ZBTB20: variants seen among roughly 807,000 people sequenced by gnomAD.
The protein encoded by ZBTB20 is zinc finger and BTB domain-containing protein 20.
ZBTB20 carries 9 observed loss-of-function variants against 56.9 expected under a neutral mutation model. The ratio of observed to expected loss-of-function variants is 0.16; its 90% CI spans 0.10 to 0.28. ZBTB20 has a LOEUF of 0.28. Ranked by LOEUF, ZBTB20 falls within the 10% of genes least tolerant of loss-of-function variation. The pLI, the probability that ZBTB20 is intolerant of heterozygous loss-of-function variation, is 1.00. For synonymous variants in ZBTB20, 417 were observed against 420.7 expected, an observed-to-expected ratio of 0.99 and a Z score of 0.11; for missense variants, 655 against 1,003.0, an observed-to-expected ratio of 0.65 and a Z score of 4.69.
At position 114,832,234 on chromosome 3, in the gene ZBTB20, A is replaced by C. The variant is rs534477085; in HGVS notation, c.-416-31060T>G. Among the ~76,000 whole-genome samples the C allele has an allele frequency of 1.2e-4, 19 of 152,184 alleles. No homozygotes were observed. The South Asian group carries it at 3.3e-3, about 27-fold the overall frequency. ...GAATTTCAGTGCAGCTCTTTGGATA[A>C]ACTCAAATTCAGGTTTGGATGGAAT... On this transcript the variant is annotated intron_variant, in intron 4 of 11. Transcript: ENST00000675478.
At chr3:114,454,178 GAGA>G (rs2091844901) in intron 7 of ZBTB20, among the ~76,000 whole-genome samples, 14 of 38,076 alleles carry the variant, frequency 3.7e-4, no homozygotes, top group Admixed American at 2.3e-3. Context: ...AGAGAAGGGA[GAGA>G]GAGAGAGAGA....
At chr3:114,670,349 G>A (rs80048410) in intron 6 of ZBTB20, among the ~76,000 whole-genome samples, 1 of 152,132 alleles carries the variant, frequency 6.6e-6, no homozygotes, top group Non-Finnish European at 1.5e-5. Flanking sequence ...GGAAATAAGA[G>A]GTGGAATAAC....
intron 5 of ZBTB20, among the ~76,000 whole-genome samples, chr3:114,702,266 T>G (rs2063439957): frequency 1.3e-5 from 2 of 152,164 alleles, no homozygotes; most frequent in African/African-American, 4.8e-5. Context: ...GAGGATTGAT[T>G]GAGCCCAGGA....
intron 6 of ZBTB20, among the ~76,000 whole-genome samples, chr3:114,640,925 A>C (rs891223314): frequency 6.6e-6 from 1 of 152,010 alleles, no homozygotes; most frequent in Admixed American, 6.6e-5. Flanking sequence ...GTATGCCCTT[A>C]AGATTTGTGG....
At chr3:114,471,148 G>T (rs1056753443) in intron 7 of ZBTB20, among the ~76,000 whole-genome samples, 1 of 152,148 alleles carries the variant, frequency 6.6e-6, no homozygotes, top group Non-Finnish European at 1.5e-5. Flanking sequence ...GGTAGAATCA[G>T]GGGAGAATCC....
At chr3:115,057,347 T>C (rs937016715) in intron 2 of ZBTB20, among the ~76,000 whole-genome samples, 1 of 152,064 alleles carries the variant, frequency 6.6e-6, no homozygotes, top group Non-Finnish European at 1.5e-5. Flanking sequence ...TACTGTTATA[T>C]CTCTTTATTT....
intron 9 of ZBTB20, 110 bp from the exon 10 acceptor site, chr3:114,380,514 A>G: frequency 7.6e-7 from 1 of 1,320,738 alleles, no homozygotes; most frequent in Non-Finnish European, 1.0e-6. Context: ...GGGGGATGGG[A>G]GGGAGTCCAG....
At chr3:114,471,757 G>T (rs944171406) in intron 7 of ZBTB20, among the ~76,000 whole-genome samples, 2 of 152,128 alleles carry the variant, frequency 1.3e-5, no homozygotes, top group Non-Finnish European at 2.9e-5. Context: ...AAAACATCTC[G>T]CTTCATGTGT....
intron 2 of ZBTB20, among the ~76,000 whole-genome samples, chr3:115,061,031 T>C (rs905783051): frequency 3.9e-5 from 6 of 152,168 alleles, no homozygotes; most frequent in Non-Finnish European, 7.4e-5. Context: ...AATATGATCA[T>C]TTCTGGAAGT....
At position 114,824,982 on chromosome 3, in the gene ZBTB20, A is replaced by AT. The variant is rs560136245; in HGVS notation, c.-416-23809dup. 2.1e-4 allele frequency among the ~76,000 whole-genome samples: 32 copies of AT among 152,018 alleles called. 1 individual carries two copies. In the South Asian group the frequency reaches 6.2e-3, roughly 30 times the overall value. ...CAATGAGGTTTGACTCACATCGCAC[A>AT]TTTTCTTTAGGAACTCAGATACTTC... On this transcript the variant is annotated intron_variant, in intron 4 of 11. Transcript: ENST00000675478.
intron 2 of ZBTB20, among the ~76,000 whole-genome samples, chr3:114,976,315 A>G (rs2078096489): frequency 6.6e-6 from 1 of 152,164 alleles, no homozygotes; most frequent in Middle Eastern, 3.2e-3. Flanking sequence ...AGTAAAGAAG[A>G]CAGTCAAAAC....
At chr3:114,726,648 C>T (rs938015622) in intron 5 of ZBTB20, among the ~76,000 whole-genome samples, 42 of 152,056 alleles carry the variant, frequency 2.8e-4, no homozygotes, top group Admixed American at 2.4e-3. Flanking sequence ...CGCGGTGGCT[C>T]ATGCCTGTAA....
chr3:114,701,114 G>T (rs1168684093), intron 5 of ZBTB20, among the ~76,000 whole-genome samples: 1 of 152,104 alleles, frequency 6.6e-6, no homozygotes, highest in Non-Finnish European at 1.5e-5. Flanking sequence ...GCATATGAAT[G>T]GGCAATAAAA....
chr3:114,719,763 A>G (rs1223373411), intron 5 of ZBTB20, among the ~76,000 whole-genome samples: 1 of 152,174 alleles, frequency 6.6e-6, no homozygotes, highest in Non-Finnish European at 1.5e-5. Flanking sequence ...ACATGGCCAG[A>G]GAATTCGCAC....
chr3:114,742,314 G>A (rs1174636318), intron 5 of ZBTB20, among the ~76,000 whole-genome samples: 2 of 151,990 alleles, frequency 1.3e-5, no homozygotes, highest in Admixed American at 6.6e-5. Flanking sequence ...AAGTAAGAAC[G>A]GCAAAAATGA....
At chr3:114,938,380 T>C (rs1382968709) in intron 3 of ZBTB20, among the ~76,000 whole-genome samples, 1 of 146,344 alleles carries the variant, frequency 6.8e-6, no homozygotes, top group African/African-American at 2.8e-5. Context: ...CACCTAGGTT[T>C]TCTTCTAGGG....
chr3:114,488,321 G>A (rs2042367704), intron 7 of ZBTB20, among the ~76,000 whole-genome samples: 2 of 152,092 alleles, frequency 1.3e-5, no homozygotes, highest in African/African-American at 2.4e-5. Context: ...CGGCTCATTT[G>A]TCTTTTCCAA....
At chr3:115,118,740 G>GTTTTGTTTTTTTTTTT (rs1560586532) in intron 1 of ZBTB20, among the ~76,000 whole-genome samples, 1 of 111,672 alleles carries the variant, frequency 9.0e-6, no homozygotes, top group Non-Finnish European at 1.7e-5. Flanking sequence ...TTTTTGAGAC[G>GTTTTGTTTTTTTTTTT]GAGTCTCGCT....
intron 2 of ZBTB20, among the ~76,000 whole-genome samples, chr3:114,983,946 C>T (rs1031367336): frequency 4.6e-5 from 7 of 151,956 alleles, no homozygotes; most frequent in Admixed American, 1.3e-4. Context: ...TAAAACGAAA[C>T]GATTTCCTTT....
Sources: allele counts gnomAD v4.1 joint callset (sites outside exome capture counted in the v4.1 genomes callset), GRCh38; gene constraint gnomAD v4.1.1; transcripts MANE v1.5; gene names NCBI Gene and HGNC (gene_info 2026-07-23, HGNC 2026-07-21).